The following ACVR1B variants were observed in gnomAD, a reference collection of about 807,000 sequenced individuals.
ACVR1B encodes activin receptor type-1B.
In ACVR1B, 15 loss-of-function variants were observed where a neutral mutation model predicts 55.6. The ratio of observed to expected loss-of-function variants is 0.27; its 90% CI spans 0.18 to 0.42. The LOEUF is 0.42. Ranked by LOEUF, ACVR1B falls within the 10% of genes least tolerant of loss-of-function variation. The pLI is 1.00. For synonymous variants in ACVR1B, 247 were observed against 254.6 expected (o/e 0.97, Z 0.28); for missense variants, 359 against 670.1 (o/e 0.54, Z 5.13).
chr12:51,978,410 G>A (rs903680483), intron 3 of ACVR1B, among the ~76,000 whole-genome samples: 1 of 152,190 alleles, frequency 6.6e-6, no homozygotes, highest in Non-Finnish European at 1.5e-5. Flanking sequence ...GAGCTTCCAA[G>A]GTGTTAGGTT....
intron 1 of ACVR1B, 67 bp downstream of exon 1, chr12:51,951,901 G>A (rs968941282): frequency 1.7e-5 from 17 of 1,028,146 alleles, no homozygotes; most frequent in African/African-American, 1.0e-4. Flanking sequence ...GCCTCGAGCC[G>A]CGGCCGCTGG....
chr12:51,971,459 C>T (rs1195542047), intron 1 of ACVR1B, among the ~76,000 whole-genome samples: 3 of 152,146 alleles, frequency 2.0e-5, no homozygotes, highest in African/African-American at 4.8e-5. Context: ...ATTTCTACTA[C>T]GTAATTCTTC....
At chr12:51,962,326 A>G (rs1172660509) in intron 1 of ACVR1B, among the ~76,000 whole-genome samples, 1 of 151,556 alleles carries the variant, frequency 6.6e-6, no homozygotes, top group African/African-American at 2.4e-5. Flanking sequence ...AGTCAGTTAT[A>G]TTTTTTTTCA....
intron 7 of ACVR1B, chr12:51,987,877 T>C (rs1046016236): frequency 2.6e-5 from 4 of 152,294 alleles, no homozygotes; most frequent in East Asian, 1.9e-4. Context: ...GTGTAAATGC[T>C]TGAAGGGATG....
chr12:51,990,312 CTTTTTTTTTTTT>C (rs71092738), intron 7 of ACVR1B, among the ~76,000 whole-genome samples: 3 of 89,582 alleles, frequency 3.3e-5, no homozygotes, highest in African/African-American at 1.4e-4. Context: ...AAATTTAGTG[CTTTTTTTTTTTT>C]TTTTTTTTTT....
chr12:51,960,669 G>A (rs1941502022), intron 1 of ACVR1B, among the ~76,000 whole-genome samples: 1 of 152,152 alleles, frequency 6.6e-6, no homozygotes, highest in African/African-American at 2.4e-5. Flanking sequence ...TAAGCAGTGG[G>A]TCCAAAGTCT....
intron 1 of ACVR1B, among the ~76,000 whole-genome samples, chr12:51,967,474 G>A (rs766888023): frequency 5.9e-5 from 9 of 152,174 alleles, no homozygotes; most frequent in African/African-American, 2.2e-4. Context: ...CAGGAGAATC[G>A]CTTGAACCCA....
intron 3 of ACVR1B, among the ~76,000 whole-genome samples, chr12:51,980,658 T>C (rs539281584): frequency 5.3e-5 from 8 of 152,334 alleles, no homozygotes; most frequent in Non-Finnish European, 8.8e-5. Context: ...GAAGAGTTGG[T>C]AAATCTGGTC....
At chr12:51,969,060 G>T (rs1565613789) in intron 1 of ACVR1B, among the ~76,000 whole-genome samples, 1 of 152,176 alleles carries the variant, frequency 6.6e-6, no homozygotes, top group South Asian at 2.1e-4. Flanking sequence ...AAATGTAAGC[G>T]TGAGTAAGCC....
chr12:51,986,277 A>G (rs1444969892), intron 6 of ACVR1B, among the ~76,000 whole-genome samples: 1 of 152,116 alleles, frequency 6.6e-6, no homozygotes, highest in Non-Finnish European at 1.5e-5. Context: ...TGTTTTTTTG[A>G]TATGGAGTTT....
At chr12:51,981,989 A>T (rs968772250) in intron 4 of ACVR1B, among the ~76,000 whole-genome samples, 1 of 152,176 alleles carries the variant, frequency 6.6e-6, no homozygotes, top group Non-Finnish European at 1.5e-5. Context: ...GTCCCTGAGG[A>T]TTCTTTCCTT....
chr12:51,954,454 T>C (rs1941371451), intron 1 of ACVR1B, among the ~76,000 whole-genome samples: 1 of 152,304 alleles, frequency 6.6e-6, no homozygotes, highest in East Asian at 1.9e-4. Flanking sequence ...TTTTGAAATT[T>C]TGTGAGCGGA....
chr12:51,982,694 T>TC, intron 4 of ACVR1B: 1 of 1,531,102 alleles, frequency 6.5e-7, no homozygotes, highest in Non-Finnish European at 8.7e-7. Flanking sequence ...AGCAGACTGC[T>TC]CATTCCTCAC....
At position 51,994,244 on chromosome 12, in the gene ACVR1B, C is replaced by G. The variant is rs1942255867; in HGVS notation, c.*134C>G. ...CAGGAGCCCTGGCCCGCAAGAGGGA[C>G]AGAGCCCGGGAGAGACTCGCTCACT... On this transcript the variant is annotated 3_prime_UTR_variant, in exon 9 of 9. Coordinates refer to ENST00000257963, the MANE Select transcript of ACVR1B (RefSeq NM_004302.5). This position sits in a 1 kb window ranked among gnomAD's most constrained non-coding sequence, Gnocchi z 4.2. 4 of 1,324,904 alleles carry G rather than the reference C, an allele frequency of 3.0e-6. No homozygotes were observed. The highest frequency in any genetic ancestry group is 2.9e-5 in the African/African-American group (2 of 67,986). The allele number at this position is 1,324,904 out of a possible 1,614,324, so 82.1% of individuals were successfully genotyped here.
chr12:51,964,672 T>C lies in ACVR1B; in HGVS notation c.92-10593T>C, dbSNP rs114297511. Among the ~76,000 whole-genome samples, 362 of 152,360 alleles carry C rather than the reference T, an allele frequency of 2.4e-3. 1 individual carries two copies. Among genetic ancestry groups the C allele is most frequent in the African/African-American group, 8.3e-3 (346 of 41,598 alleles). On this transcript the variant is annotated intron_variant, in intron 1 of 8. Coordinates refer to ENST00000257963, the MANE Select transcript of ACVR1B (RefSeq NM_004302.5). ...GTTAGGTAAGGGTCTGACTTCATTCTTTCGCATGTGGTTATCCATTTGTTC... is the reference window on the plus strand; with the variant it reads ...GTTAGGTAAGGGTCTGACTTCATTCCTTCGCATGTGGTTATCCATTTGTTC...
Position 51,985,322 on chromosome 12 carries a change from C to T in ACVR1B, c.1110C>T (p.Ala370=), listed in dbSNP as rs1592259314. 1 of 1,613,072 alleles carries T rather than the reference C, an allele frequency of 6.2e-7. No individual in the cohort carries two copies. Among genetic ancestry groups the T allele is most frequent in the Non-Finnish European group, 8.5e-7 (1 of 1,179,602 alleles). Residue 370 remains alanine, a synonymous_variant, in exon 6 of 9, where the codon GCC becomes GCT. Transcript: ENST00000257963. ...CAGTCACTGACACCATTGACATTGCCCCGAATCAGAGGGTGGGGACCAAAC... is the reference window on the plus strand; with the variant it reads ...CAGTCACTGACACCATTGACATTGCTCCGAATCAGAGGGTGGGGACCAAAC... ...HDAVTDTIDI[A]PNQRVGTKRY...
intron 1 of ACVR1B, 66 bp downstream of exon 1, chr12:51,951,900 C>T (rs867982386): frequency 1.1e-5 from 11 of 1,046,728 alleles, no homozygotes; most frequent in Middle Eastern, 7.3e-4. Flanking sequence ...GGCCTCGAGC[C>T]GCGGCCGCTG....
At position 51,994,594 on chromosome 12, in the gene ACVR1B, C is replaced by T. The variant is rs1285167191; in HGVS notation, c.*484C>T. 1 of 157,686 alleles carries T rather than the reference C, an allele frequency of 6.3e-6. No individual in the cohort carries two copies. The highest frequency in any genetic ancestry group is 1.4e-5 in the Non-Finnish European group (1 of 71,264). 9.8% of individuals were successfully genotyped at this position (157,686 alleles called of 1,614,324 possible). On this transcript the variant is annotated 3_prime_UTR_variant, in exon 9 of 9. Transcript: ENST00000257963. The surrounding 1 kb of genome is among the most constrained non-coding windows in gnomAD (Gnocchi z 4.2). Reference sequence around the variant, plus strand: ...TCTGAGCCGCGCTTTCCCCTCCTCCCTGGGATGGACGCTGCCGGGAGACTG... The same window carrying T: ...TCTGAGCCGCGCTTTCCCCTCCTCCTTGGGATGGACGCTGCCGGGAGACTG...
intron 1 of ACVR1B, among the ~76,000 whole-genome samples, chr12:51,967,224 C>T (rs549430110): frequency 3.0e-4 from 43 of 144,476 alleles, no homozygotes; most frequent in Middle Eastern, 0.01. Flanking sequence ...TGGGCGACAG[C>T]GCGAGACTCC....
Sources: gnomAD v4.1 joint callset for allele counts (sites outside exome capture counted in the v4.1 genomes callset) on GRCh38, gnomAD v4.1.1 for gene constraint, Gnocchi (gnomAD v3.1) non-coding constraint, MANE v1.5 for transcripts, NCBI Gene and HGNC (gene_info 2026-07-23, HGNC 2026-07-21) for gene names.